NOTCH1: variants seen among roughly 807,000 people sequenced by gnomAD.
The protein encoded by NOTCH1 is neurogenic locus notch homolog protein 1.
NOTCH1 carries 37 observed loss-of-function variants against 254.8 expected under a neutral mutation model. That is an observed-to-expected ratio of 0.15 (90% confidence interval 0.11 to 0.19). The LOEUF (loss-of-function observed/expected upper bound fraction) is 0.19, where lower values mean the gene tolerates loss of function less well. NOTCH1 is among the 10% of genes least tolerant of loss of function. The pLI is 1.00. For missense variants in NOTCH1, 2,972 were observed against 3,708.6 expected (o/e 0.80, Z 5.16); for synonymous variants, 1,731 against 1,618.1 (o/e 1.07, Z -1.68).
At chr9:136,517,634 G>T in intron 8 of NOTCH1, 118 bp downstream of exon 8, 1 of 1,289,338 alleles carries the variant, frequency 7.8e-7, no homozygotes, top group Non-Finnish European at 1.1e-6. Context: ...GCAGGCTGTG[G>T]GCCCAGAAGG....
intron 2 of NOTCH1, among the ~76,000 whole-genome samples, chr9:136,535,566 G>GGA: frequency 1.2e-5 from 1 of 82,954 alleles, no homozygotes; most frequent in Non-Finnish European, 2.1e-5. Flanking sequence ...GTGCATGGTG[G>GGA]GTGGAGGGGG....
Position 136,505,091 on chromosome 9 carries a change from G to A in NOTCH1, c.4600C>T (p.Gln1534Ter), listed in dbSNP as rs2133337830. 6.2e-7 allele frequency: 1 copy of A among 1,609,724 alleles called. No individual in the cohort carries two copies. Residue 1534 changes from glutamine (Q) to a stop codon, truncating the protein, a stop_gained, in exon 26 of 34, where the codon CAG becomes TAG. Coordinates refer to ENST00000651671, the MANE Select transcript of NOTCH1 (RefSeq NM_017617.5). LOFTEE classifies it high-confidence loss of function. ...TCGCTGAAGTGGTCCTTGCAGTACTGGTCGTACAGGGGGCTGTGGGGGGCG... is the reference window on the plus strand; with the variant it reads ...TCGCTGAAGTGGTCCTTGCAGTACTAGTCGTACAGGGGGCTGTGGGGGGCG... Reference protein sequence around the residue: ...AEGQCNPLYDQYCKDHFSDGH... With the variant: ...AEGQCNPLYD
rs1564190692 is a variant in NOTCH1, at chr9:136,505,120, C to A, written c.4587-16G>T. ...GTACAGGGGGCTGTGGGGGGCGGGA[C>A]ACGCTCAGGCCGCCTTCCTCGGGGG... On this transcript the variant is annotated splice_polypyrimidine_tract_variant and intron_variant, in intron 25 of 33. Coordinates refer to ENST00000651671, the MANE Select transcript of NOTCH1 (RefSeq NM_017617.5). 2 of 1,604,514 alleles carry A rather than the reference C, an allele frequency of 1.2e-6. No individual in the cohort carries two copies. Among genetic ancestry groups the A allele is most frequent in the Non-Finnish European group, 1.7e-6 (2 of 1,178,766 alleles).
Position 136,513,668 on chromosome 9 carries a change from G to A in NOTCH1, c.2208-131C>T. 8 of 1,020,748 alleles carry A rather than the reference G, an allele frequency of 7.8e-6. No individual in the cohort carries two copies. Among genetic ancestry groups the A allele is most frequent in the South Asian group, 1.4e-5 (1 of 70,876 alleles). 63.2% of individuals were successfully genotyped at this position (1,020,748 alleles called of 1,614,324 possible). On this transcript the variant is annotated intron_variant, in intron 13 of 33. Transcript: ENST00000651671. This position sits in a 1 kb window ranked among gnomAD's most constrained non-coding sequence, Gnocchi z 4.7. ...CCACTCAGACTCGCAGAGTCCTTTA[G>A]TGGGGGCAGGCTGGGCGCTGTGGCT...
intron 18 of NOTCH1, 103 bp from the exon 19 acceptor site, chr9:136,509,174 G>A (rs1410560641): frequency 4.2e-6 from 5 of 1,189,940 alleles, no homozygotes; most frequent in Admixed American, 2.0e-5. Flanking sequence ...TCAACCCTAG[G>A]GGCCTGATGG....
At position 136,505,071 on chromosome 9, in the gene NOTCH1, G is replaced by A. The variant is rs2133337737; in HGVS notation, c.4620C>T (p.Phe1540=). The A allele has an allele frequency of 6.2e-7, 1 of 1,611,034 alleles. No individual in the cohort carries two copies. The highest frequency in any genetic ancestry group is 8.5e-7 in the Non-Finnish European group (1 of 1,179,720). Residue 1540 remains phenylalanine (F), a synonymous_variant, in exon 26 of 34, where the codon TTC becomes TTT. Coordinates refer to ENST00000651671, the MANE Select transcript of NOTCH1 (RefSeq NM_017617.5). ...PLYDQYCKDH[F]SDGHCDQGCN... ...AGCCCTGGTCGCAGTGCCCGTCGCT[G>A]AAGTGGTCCTTGCAGTACTGGTCGT...
chr9:136,514,393 C>T (rs946419612), intron 13 of NOTCH1, 117 bp downstream of exon 13: 1 of 1,160,748 alleles, frequency 8.6e-7, no homozygotes, highest in Non-Finnish European at 1.2e-6. Context: ...TGCCACCCAG[C>T]CCCGTCCGAG....
At chr9:136,509,139 G>T in intron 18 of NOTCH1, 68 bp from the exon 19 acceptor site, 1 of 1,412,226 alleles carries the variant, frequency 7.1e-7, no homozygotes, top group Non-Finnish European at 9.7e-7. Flanking sequence ...AGCAGATTCT[G>T]CCTCGCCAGC....
intron 4 of NOTCH1, 139 bp downstream of exon 4, chr9:136,522,711 G>A (rs973231749): frequency 2.2e-4 from 179 of 810,056 alleles, no homozygotes; most frequent in Non-Finnish European, 2.7e-4. Flanking sequence ...ACGCAGTCTG[G>A]GGAACTCGCC....
chr9:136,541,579 C>T (rs981324489), intron 2 of NOTCH1, among the ~76,000 whole-genome samples: 6 of 152,172 alleles, frequency 3.9e-5, no homozygotes, highest in Non-Finnish European at 4.4e-5. Flanking sequence ...AGGCCTCCTG[C>T]AGGTGCCCTG....
In NOTCH1 at chr9:136,508,032, G is replaced by C. The variant is rs755547564; in HGVS notation, c.3433C>G (p.Leu1145Val). The change falls in exon 21 of 34, where the codon CTG becomes GTG. Residue 1145 changes from leucine to valine, a missense_variant. This residue lies in a region of NOTCH1 where 1,343 missense variants were observed against 1,557.0 expected (regional missense o/e 0.86). Transcript: ENST00000651671. The stretch of plus-strand genomic sequence containing the variant: ...GGGCTGGGTGAGCACTCGTCCACCA[G>C]GTCCTCACAGTAGCTGCCTGTGTAG... Reference protein sequence around the residue: ...AGYTGSYCEDLVDECSPSPCQ... With the variant: ...AGYTGSYCEDVVDECSPSPCQ... 2 of 1,612,378 alleles carry C rather than the reference G, an allele frequency of 1.2e-6. No individual in the cohort carries two copies. The highest frequency in any genetic ancestry group is 2.2e-5 in the South Asian group (2 of 91,088).
Position 136,516,060 on chromosome 9 carries a change from G to C in NOTCH1, c.1590C>G (p.Asp530Glu), listed in dbSNP as rs562807473. ...TCTTGCAGGGGGTGCTGGCACACTCGTCCACATCGTACTGGCACAGATGCC... is the reference window on the plus strand; with the variant it reads ...TCTTGCAGGGGGTGCTGGCACACTCCTCCACATCGTACTGGCACAGATGCC... ...FTGHLCQYDV[D>E]ECASTPCKNG... Residue 530 changes from aspartate (D) to glutamate (E), a missense_variant, in exon 10 of 34, where the codon GAC (aspartate) becomes GAG (glutamate). Asp to Glu is a conservative substitution (Grantham distance 45). Coordinates refer to ENST00000651671, the MANE Select transcript of NOTCH1 (RefSeq NM_017617.5). The C allele has an allele frequency of 6.2e-7, 1 of 1,612,012 alleles. No individual in the cohort carries two copies. Among genetic ancestry groups the C allele is most frequent in the Non-Finnish European group, 8.5e-7 (1 of 1,179,890 alleles).
intron 2 of NOTCH1, among the ~76,000 whole-genome samples, chr9:136,529,076 A>C (rs1843518533): frequency 6.6e-6 from 1 of 152,096 alleles, no homozygotes; most frequent in Non-Finnish European, 1.5e-5. Context: ...CCAGACCCAG[A>C]TCCTGCCGTG....
At chr9:136,512,186 G>A (rs748060766) in intron 15 of NOTCH1, among the ~76,000 whole-genome samples, 25 of 152,362 alleles carry the variant, frequency 1.6e-4, no homozygotes, top group Middle Eastern at 3.4e-3. Flanking sequence ...GCGCCCAGCC[G>A]TGGAGGGAGG....
chr9:136,507,533 G>A, intron 21 of NOTCH1, 96 bp from the exon 22 acceptor site: 1 of 1,511,510 alleles, frequency 6.6e-7, no homozygotes, highest in Non-Finnish European at 9.0e-7. Context: ...GGCCACATGA[G>A]CTGCCCTCAG....
intron 33 of NOTCH1, among the ~76,000 whole-genome samples, chr9:136,498,191 G>A (rs1255129163): frequency 6.6e-6 from 1 of 151,648 alleles, no homozygotes; most frequent in Non-Finnish European, 1.5e-5. Context: ...TCACCCAGGA[G>A]GGAGAGACGC....
chr9:136,514,478 G>A (rs1253578864), intron 13 of NOTCH1, 32 bp downstream of exon 13: 1 of 1,546,246 alleles, frequency 6.5e-7, no homozygotes, highest in African/African-American at 1.4e-5. Flanking sequence ...GTTTAGGACT[G>A]ATGTGTCCCC....
intron 19 of NOTCH1, 102 bp from the exon 20 acceptor site, chr9:136,508,487 AC>A: frequency 6.5e-7 from 1 of 1,534,102 alleles, no homozygotes; most frequent in Non-Finnish European, 8.9e-7. Flanking sequence ...CCAGGCTGCA[AC>A]CCATTCTACA....
At position 136,513,685 on chromosome 9, in the gene NOTCH1, G is replaced by A. The variant is rs1205923893; in HGVS notation, c.2208-148C>T. On this transcript the variant is annotated intron_variant, in intron 13 of 33. Transcript: ENST00000651671. The surrounding 1 kb of genome is among the most constrained non-coding windows in gnomAD (Gnocchi z 4.7). ...GTCCTTTAGTGGGGGCAGGCTGGGC[G>A]CTGTGGCTCACACCTGTAATCCCAG... The A allele has an allele frequency of 9.3e-6, 8 of 858,482 alleles. No individual in the cohort carries two copies. Among genetic ancestry groups the A allele is most frequent in the East Asian group, 2.7e-5 (1 of 37,442 alleles). 53.2% of individuals were successfully genotyped at this position (858,482 alleles called of 1,614,324 possible). A position where few individuals can be genotyped will look rare whatever the true frequency, so the allele number is the denominator to read the frequency against.
Sources: allele counts gnomAD v4.1 joint callset (sites outside exome capture counted in the v4.1 genomes callset), GRCh38; gene constraint gnomAD v4.1.1; regional missense constraint gnomAD v4.1.1; non-coding constraint Gnocchi (gnomAD v3.1); transcripts MANE v1.5; gene names NCBI Gene and HGNC (gene_info 2026-07-23, HGNC 2026-07-21).